GANC: variants seen among roughly 807,000 people sequenced by gnomAD.
GANC encodes neutral alpha-glucosidase C.
In GANC, 117 loss-of-function variants were observed where a neutral mutation model predicts 124.2. The ratio of observed to expected loss-of-function variants is 0.94; its 90% CI spans 0.81 to 1.10. The LOEUF (loss-of-function observed/expected upper bound fraction) is 1.10. GANC is among the 50% of genes least tolerant of loss of function. The probability of loss-of-function intolerance (pLI) is 0.00; values close to 1 mark genes in which losing one functional copy is unlikely to be tolerated. For missense variants in GANC, 1,140 were observed against 1,095.0 expected (o/e 1.04, Z -0.58); for synonymous variants, 377 against 376.8 (o/e 1.00, Z -0.01).
chr15:42,302,977 A>G (rs1030804545), intron 6 of GANC, among the ~76,000 whole-genome samples: 5 of 152,230 alleles, frequency 3.3e-5, no homozygotes. Flanking sequence ...AAGACGGACC[A>G]ACATTCAAAT....
Position 42,322,007 on chromosome 15 carries a change from G to A in GANC, c.1280G>A (p.Ser427Asn), listed in dbSNP as rs61752494. The change falls in exon 11 of 24, where the codon AGC becomes AAC. Residue 427 changes from serine to asparagine, a missense_variant. By Grantham distance (46) the Ser-to-Asn change is conservative (BLOSUM62 1). Transcript: ENST00000318010. ...AAGAGGATGCAAGAGCTGCTCAGGA[G>A]CAAAAAGCGTAAGGTAAAATAAGCC... ...NPKRMQELLR[S>N]KKRKLVVISD... 4.7e-3 allele frequency: 7,644 copies of A among 1,610,172 alleles called. 307 individuals carry two copies. The African/African-American group carries it at 0.091, about 19-fold the overall frequency.
At position 42,348,552 on chromosome 15, in the gene GANC, C is replaced by T. The variant is rs376647662; in HGVS notation, c.2418+336C>T. On this transcript the variant is annotated intron_variant, in intron 21 of 23. Transcript: ENST00000318010. ...CCCTGAAACCCAGTCTCCCATAAAA[C>T]GGTACCCATGTCTATGCACCATTTC... 1.8e-4 allele frequency among the ~76,000 whole-genome samples: 28 copies of T among 152,312 alleles called. No individual in the cohort carries two copies. In the East Asian group the frequency reaches 2.1e-3, roughly 12 times the overall value.
chr15:42,338,384 C>T lies in GANC; in HGVS notation c.1742-5C>T. Reference sequence around the variant, plus strand: ...ATTTTAATACATTGTTGCTGGTGACCAAAGGTGCCGTGTGGACAGGCGACA... The same window carrying T: ...ATTTTAATACATTGTTGCTGGTGACTAAAGGTGCCGTGTGGACAGGCGACA... On this transcript the variant is annotated splice_polypyrimidine_tract_variant and splice_region_variant and intron_variant, in intron 15 of 23. Coordinates refer to ENST00000318010, the MANE Select transcript of GANC (RefSeq NM_198141.3). The T allele has an allele frequency of 6.2e-7, 1 of 1,609,458 alleles. No individual in the cohort carries two copies. The highest frequency in any genetic ancestry group is 1.1e-5 in the South Asian group (1 of 90,688).
chr15:42,350,325 C>CAGCGAGTCGTCTTTTATTATT, intron 22 of GANC, among the ~76,000 whole-genome samples: 27 of 151,976 alleles, frequency 1.8e-4, no homozygotes, highest in African/African-American at 6.0e-4. Flanking sequence ...CCACTCCGCC[C>CAGCGAGTCGTCTTTTATTATT]ATCTCCCCGA....
In GANC at chr15:42,326,319, C is replaced by G. The variant is rs377211078; in HGVS notation, c.1315C>G (p.His439Asp). The G allele has an allele frequency of 2.5e-6, 4 of 1,613,678 alleles. No homozygotes were observed. ...ACAGCTTGTGGTCATCAGTGATCCC[C>G]ACATCAAGATTGATCCTGACTACTC... The part of the protein sequence containing the change: ...KRKLVVISDP[H>D]IKIDPDYSVY... Residue 439 changes from histidine (H) to aspartate (D), a missense_variant, in exon 12 of 24, where the codon CAC becomes GAC. Transcript: ENST00000318010.
At chr15:42,314,280 GC>G (rs2052083735) in intron 10 of GANC, 4 of 636,600 alleles carry the variant, frequency 6.3e-6, no homozygotes, top group Non-Finnish European at 1.1e-5. Context: ...AGGAAAGGGG[GC>G]ATTTTCTCAG....
chr15:42,346,310 A>G (rs2052362861), intron 20 of GANC, among the ~76,000 whole-genome samples: 1 of 152,170 alleles, frequency 6.6e-6, no homozygotes, highest in African/African-American at 2.4e-5. Flanking sequence ...ACATATGCAT[A>G]GAGACAGAAG....
chr15:42,330,390 C>T (rs1318256516), intron 14 of GANC, among the ~76,000 whole-genome samples, 186 bp from the exon 15 acceptor site: 1 of 152,100 alleles, frequency 6.6e-6, no homozygotes, highest in Non-Finnish European at 1.5e-5. Context: ...GAAAATTTTC[C>T]ATTCTTTTAA....
Position 42,340,535 on chromosome 15 carries a change from C to T in GANC, c.2088-155C>T, listed in dbSNP as rs151286298. On this transcript the variant is annotated intron_variant, in intron 17 of 23. Transcript: ENST00000318010. ...AGGAGAATCGGTTGAACCCAAGAGG[C>T]GGAAACTGCAGTGAGCCAAGATAGC... 5.0e-3 allele frequency among the ~76,000 whole-genome samples: 750 copies of T among 149,798 alleles called. 2 individuals are homozygous for T. The highest frequency in any genetic ancestry group is 0.018 in the African/African-American group (716 of 40,630).
Position 42,273,408 on chromosome 15 carries a change from C to T in GANC, c.-1074C>T, listed in dbSNP as rs200378857. On this transcript the variant is annotated 5_prime_UTR_variant, in exon 1 of 24. Coordinates refer to ENST00000318010, the MANE Select transcript of GANC (RefSeq NM_198141.3). Reference sequence around the variant, plus strand: ...ACGCAGCCGCCGCCATCTTCACAGCCGTGGAGTGCCTACCGAAAGCATTTC... The same window carrying T: ...ACGCAGCCGCCGCCATCTTCACAGCTGTGGAGTGCCTACCGAAAGCATTTC... The T allele has an allele frequency of 8.1e-6, 13 of 1,613,774 alleles. No homozygotes were observed. Among genetic ancestry groups the T allele is most frequent in the South Asian group, 2.2e-5 (2 of 91,078 alleles).
At chr15:42,329,828 T>C (rs2052228377) in intron 14 of GANC, among the ~76,000 whole-genome samples, 1 of 152,250 alleles carries the variant, frequency 6.6e-6, no homozygotes, top group Non-Finnish European at 1.5e-5. Flanking sequence ...CACAGATATC[T>C]AAATACAGCA....
At position 42,273,451 on chromosome 15, in the gene GANC, C is replaced by A; in HGVS notation, c.-1031C>A. 6.2e-7 allele frequency: 1 copy of A among 1,607,498 alleles called. No individual in the cohort carries two copies. ...AGCATTTCACCCTCTTCCGGTTCGT[C>A]CCGCCTTCTTCCGGCTCTGCTCTAA... is the stretch of plus-strand genomic sequence containing the variant. On this transcript the variant is annotated 5_prime_UTR_variant, in exon 1 of 24. Transcript: ENST00000318010.
intron 5 of GANC, 61 bp from the exon 6 acceptor site, chr15:42,297,550 A>G: frequency 7.7e-7 from 1 of 1,304,156 alleles, no homozygotes. Context: ...AATCTTTATC[A>G]TTGAACAAAA....
chr15:42,349,647 CT>C (rs1333042051), intron 22 of GANC, 152 bp downstream of exon 22: 1 of 604,332 alleles, frequency 1.7e-6, no homozygotes, highest in Admixed American at 3.1e-5. Context: ...CTTTTCTTTT[CT>C]TTTCTTTTTT....
chr15:42,338,041 A>C (rs550074008), intron 15 of GANC, among the ~76,000 whole-genome samples: 11 of 152,098 alleles, frequency 7.2e-5, no homozygotes, highest in African/African-American at 2.7e-4. Flanking sequence ...CAGCCTGGGC[A>C]AGTGAGAACA....
At position 42,352,367 on chromosome 15, in the gene GANC, T is replaced by A; in HGVS notation, c.*228T>A. ...TCCTTGTATCAAACATCTCCTTTTCTCCCTGATACATAGCCCTGAGACATT... is the reference window on the plus strand; with the variant it reads ...TCCTTGTATCAAACATCTCCTTTTCACCCTGATACATAGCCCTGAGACATT... On this transcript the variant is annotated 3_prime_UTR_variant, in exon 24 of 24. Transcript: ENST00000318010. 3.0e-6 allele frequency: 4 copies of A among 1,321,882 alleles called. No individual in the cohort carries two copies. The highest frequency in any genetic ancestry group is 3.9e-6 in the Non-Finnish European group (4 of 1,030,382). 81.9% of individuals were successfully genotyped at this position (1,321,882 alleles called of 1,614,324 possible).
chr15:42,318,046 G>A (rs1326792172), intron 10 of GANC, among the ~76,000 whole-genome samples: 1 of 152,072 alleles, frequency 6.6e-6, no homozygotes, highest in Non-Finnish European at 1.5e-5. Context: ...CATGCTCAAG[G>A]GTGTCTGTTA....
intron 6 of GANC, among the ~76,000 whole-genome samples, chr15:42,298,324 A>G (rs1239359670): frequency 6.6e-6 from 1 of 152,230 alleles, no homozygotes; most frequent in African/African-American, 2.4e-5. Flanking sequence ...GGCTAGAAAG[A>G]CACGCAGGGC....
In GANC at chr15:42,310,751, A is replaced by G. The variant is rs770690162; in HGVS notation, c.962A>G (p.His321Arg). 2.5e-6 allele frequency: 4 copies of G among 1,614,134 alleles called. No individual in the cohort carries two copies. Among genetic ancestry groups the G allele is most frequent in the East Asian group, 2.2e-5 (1 of 44,884 alleles). ...AAKQKVRSRTHVHWMSESGII... is the reference protein window; with the variant it reads ...AAKQKVRSRTRVHWMSESGII... ...AAACAAAAGGTCAGATCTCGCACTCATGTGCACTGGATGTCAGAGAGTGGC... is the reference window on the plus strand; with the variant it reads ...AAACAAAAGGTCAGATCTCGCACTCGTGTGCACTGGATGTCAGAGAGTGGC... The change falls in exon 10 of 24, where the codon CAT (histidine) becomes CGT (arginine). Residue 321 changes from histidine (H) to arginine (R), a missense_variant. His to Arg is a conservative substitution (Grantham distance 29). Coordinates refer to ENST00000318010, the MANE Select transcript of GANC (RefSeq NM_198141.3).
Sources: allele counts gnomAD v4.1 joint callset (sites outside exome capture counted in the v4.1 genomes callset), GRCh38; gene constraint gnomAD v4.1.1; transcripts MANE v1.5; gene names NCBI Gene and HGNC (gene_info 2026-07-23, HGNC 2026-07-21).